The following FBXO31 variants were observed in gnomAD, a reference collection of about 807,000 sequenced individuals.
FBXO31 encodes F-box only protein 31.
In FBXO31, 24 loss-of-function variants were observed where a neutral mutation model predicts 54.4. The observed-to-expected ratio is 0.44, with a 90% CI of 0.32 to 0.62. The LOEUF (loss-of-function observed/expected upper bound fraction) is 0.62, where lower values mean the gene tolerates loss of function less well. Ranked by LOEUF, FBXO31 falls within the 20% of genes least tolerant of loss-of-function variation. The pLI, the probability that FBXO31 is intolerant of heterozygous loss-of-function variation, is 0.05. For synonymous variants in FBXO31, 388 were observed against 335.6 expected, an observed-to-expected ratio of 1.16 and a Z score of -1.71; for missense variants, 665 against 787.1, an observed-to-expected ratio of 0.84 and a Z score of 1.86.
chr16:87,367,564 G>A (rs1032987649), intron 1 of FBXO31: 2 of 152,162 alleles, frequency 1.3e-5, no homozygotes, highest in African/African-American at 2.4e-5. Flanking sequence ...CTTCAAAATC[G>A]TTAGTTACTG....
At chr16:87,347,701 A>C (rs1291147447) in intron 2 of FBXO31, among the ~76,000 whole-genome samples, 7 of 149,828 alleles carry the variant, frequency 4.7e-5, no homozygotes, top group Non-Finnish European at 7.4e-5. Context: ...AAAAAAAAAA[A>C]CTATCAGAAT....
Position 87,336,567 on chromosome 16 carries a change from A to G in FBXO31, c.733-303T>C, listed in dbSNP as rs1905051675. Among the ~76,000 whole-genome samples the G allele has an allele frequency of 6.6e-6, 1 of 151,972 alleles. No individual in the cohort carries two copies. Among genetic ancestry groups the G allele is most frequent in the Admixed American group, 6.6e-5 (1 of 15,264 alleles). ...GGCGGGGGCCACAGCCATGACCAGAACTCAGGGTGGGCCTCCCTTCCATGC... is the reference window on the plus strand; with the variant it reads ...GGCGGGGGCCACAGCCATGACCAGAGCTCAGGGTGGGCCTCCCTTCCATGC... On this transcript the variant is annotated intron_variant, in intron 5 of 8. Transcript: ENST00000311635. The surrounding 1 kb of genome is among the most constrained non-coding windows in gnomAD (Gnocchi z 6.5).
chr16:87,360,308 G>A lies in FBXO31; in HGVS notation c.399C>T (p.Asp133=), dbSNP rs370916343. The A allele has an allele frequency of 3.5e-5, 56 of 1,614,000 alleles. No homozygotes were observed. The highest frequency in any genetic ancestry group is 3.8e-5 in the Non-Finnish European group (45 of 1,179,974). The change falls in exon 2 of 9, where the codon GAC becomes GAT. Residue 133 remains aspartate (D), a synonymous_variant. Coordinates refer to ENST00000311635, the MANE Select transcript of FBXO31 (RefSeq NM_024735.5). ...AGATTCACTCACGCTTCGCATAGAC[G>A]TCCCGACAAGACACGCCTGTGATCT... ...KLEITGVSCR[D]VYAKLLHRYR... is the part of the protein sequence containing the mutation.
rs959268219 is a variant in FBXO31, at chr16:87,336,412, G to T, written c.733-148C>A. ...CTCTTGGTGGGGGAGGATGGACTTG[G>T]CGCTGGGAAGAGAAAGGGGAGCTGC... On this transcript the variant is annotated intron_variant, in intron 5 of 8. Coordinates refer to ENST00000311635, the MANE Select transcript of FBXO31 (RefSeq NM_024735.5). This position sits in a 1 kb window ranked among gnomAD's most constrained non-coding sequence, Gnocchi z 6.5. 1.9e-5 allele frequency: 13 copies of T among 670,844 alleles called. No individual in the cohort carries two copies. The highest frequency in any genetic ancestry group is 1.1e-4 in the African/African-American group (6 of 55,300). The allele number at this position is 670,844 out of a possible 1,614,324, so 41.6% of individuals were successfully genotyped here. A position where few individuals can be genotyped will look rare whatever the true frequency, so the allele number is the denominator to read the frequency against.
chr16:87,340,763 C>T (rs1905169246), intron 5 of FBXO31, among the ~76,000 whole-genome samples: 1 of 152,056 alleles, frequency 6.6e-6, no homozygotes, highest in Admixed American at 6.5e-5. Context: ...TTGAGACCTG[C>T]CTGGGCAACA....
At position 87,335,617 on chromosome 16, in the gene FBXO31, A is replaced by G. The variant is rs1340789854; in HGVS notation, c.843-160T>C. Among the ~76,000 whole-genome samples, 3 of 152,196 alleles carry G rather than the reference A, an allele frequency of 2.0e-5. No homozygotes were observed. Among genetic ancestry groups the G allele is most frequent in the African/African-American group, 7.2e-5 (3 of 41,444 alleles). Reference sequence around the variant, plus strand: ...CAGGCCTGTGGGCAGCAATGCGCCCAGGGGAGCCCTCACCCCCACCACCCA... The same window carrying G: ...CAGGCCTGTGGGCAGCAATGCGCCCGGGGGAGCCCTCACCCCCACCACCCA... On this transcript the variant is annotated intron_variant, in intron 6 of 8. Coordinates refer to ENST00000311635, the MANE Select transcript of FBXO31 (RefSeq NM_024735.5). The surrounding 1 kb of genome is among the most constrained non-coding windows in gnomAD (Gnocchi z 5.7).
chr16:87,343,529 C>G, intron 4 of FBXO31, 69 bp downstream of exon 4: 1 of 1,525,342 alleles, frequency 6.6e-7, no homozygotes, highest in East Asian at 2.4e-5. Flanking sequence ...AATAGCACGG[C>G]AGGCCTGGCT....
chr16:87,381,035 C>T (rs912220485), intron 1 of FBXO31, among the ~76,000 whole-genome samples: 1 of 152,218 alleles, frequency 6.6e-6, no homozygotes, highest in Non-Finnish European at 1.5e-5. Context: ...AATGGAGAAA[C>T]TTCAAAGCAC....
chr16:87,348,352 C>T (rs1905486240), intron 2 of FBXO31, among the ~76,000 whole-genome samples: 1 of 152,236 alleles, frequency 6.6e-6, no homozygotes, highest in African/African-American at 2.4e-5. Context: ...ATGAAGTCTG[C>T]CTCGACTTCA....
chr16:87,345,317 G>A lies in FBXO31; in HGVS notation c.490-1552C>T, dbSNP rs148669031. ...AAGTTCAAGAGGCTCCAGCAGGAGG[G>A]TGCGGGGAGGGCGGGAGGCAGGGTG... On this transcript the variant is annotated intron_variant, in intron 3 of 8. Transcript: ENST00000311635. This position sits in a 1 kb window ranked among gnomAD's most constrained non-coding sequence, Gnocchi z 4.9. 2.7e-5 allele frequency among the ~76,000 whole-genome samples: 4 copies of A among 150,910 alleles called. No homozygotes were observed. The highest frequency in any genetic ancestry group is 5.9e-5 in the Non-Finnish European group (4 of 67,688).
chr16:87,389,405 TC>T (rs1468711017), intron 1 of FBXO31: 1 of 152,228 alleles, frequency 6.6e-6, no homozygotes, highest in Non-Finnish European at 1.5e-5. Flanking sequence ...CGATGCTACT[TC>T]CTCTGGCAAT....
intron 1 of FBXO31, among the ~76,000 whole-genome samples, chr16:87,372,281 T>A (rs1906635918): frequency 6.6e-6 from 1 of 152,184 alleles, no homozygotes. Context: ...CTAAGTGAAA[T>A]GACTACGTTT....
rs1413938027 is a variant in FBXO31 at position 87,327,992 on chromosome 16, C to G, written c.*3296G>C. Reference sequence around the variant, plus strand: ...GCATCTCCTGTTCGCACCCAAGACCCCACGGCCATGAGGACAACACGAGCT... The same window carrying G: ...GCATCTCCTGTTCGCACCCAAGACCGCACGGCCATGAGGACAACACGAGCT... On this transcript the variant is annotated 3_prime_UTR_variant, in exon 9 of 9. Coordinates refer to ENST00000311635, the MANE Select transcript of FBXO31 (RefSeq NM_024735.5). 6.6e-6 allele frequency: 1 copy of G among 152,282 alleles called. No homozygotes were observed. Among genetic ancestry groups the G allele is most frequent in the Non-Finnish European group, 1.5e-5 (1 of 68,102 alleles). The allele number at this position is 152,282 out of a possible 1,614,324, so 9.4% of individuals were successfully genotyped here.
Position 87,330,706 on chromosome 16 carries a change from T to G in FBXO31, c.*582A>C, listed in dbSNP as rs750291144. ...AACTCCAAGCAAGCCGGTAGAGAAA[T>G]GGGGATTCACTCCAGAGTCCCGGCC... On this transcript the variant is annotated 3_prime_UTR_variant, in exon 9 of 9. Coordinates refer to ENST00000311635, the MANE Select transcript of FBXO31 (RefSeq NM_024735.5). 1 of 152,596 alleles carries G rather than the reference T, an allele frequency of 6.6e-6. No individual in the cohort carries two copies. Among genetic ancestry groups the G allele is most frequent in the African/African-American group, 2.4e-5 (1 of 41,378 alleles). 9.5% of individuals were successfully genotyped at this position (152,596 alleles called of 1,614,324 possible). A position where few individuals can be genotyped will look rare whatever the true frequency, so the allele number is the denominator to read the frequency against.
In FBXO31 at chr16:87,342,566, C is replaced by T. The variant is rs146500298; in HGVS notation, c.732+311G>A. On this transcript the variant is annotated intron_variant, in intron 5 of 8. Transcript: ENST00000311635. ...CTCCCTGCAGCTCACATCCTAGAAG[C>T]AGCCTCCCAGCAACCCCTCAGCAAG... is the stretch of plus-strand genomic sequence containing the variant. Among the ~76,000 whole-genome samples the T allele has an allele frequency of 4.5e-3, 682 of 152,332 alleles. 6 individuals carry two copies. Among genetic ancestry groups the T allele is most frequent in the African/African-American group, 0.016 (663 of 41,580 alleles).
chr16:87,370,613 G>A (rs1279943899), intron 1 of FBXO31, among the ~76,000 whole-genome samples: 1 of 152,136 alleles, frequency 6.6e-6, no homozygotes, highest in African/African-American at 2.4e-5. Flanking sequence ...GGTGACCCTG[G>A]GCATGCAGGC....
chr16:87,362,550 A>G (rs1256781181), intron 1 of FBXO31: 2 of 151,632 alleles, frequency 1.3e-5, no homozygotes, highest in Non-Finnish European at 2.9e-5. Flanking sequence ...ACATACATAC[A>G]TACATTTATT....
At chr16:87,380,535 C>G (rs530603228) in intron 1 of FBXO31, among the ~76,000 whole-genome samples, 1 of 152,062 alleles carries the variant, frequency 6.6e-6, no homozygotes, top group Admixed American at 6.5e-5. Flanking sequence ...TCCACAGGCA[C>G]GCACCACCAT....
At chr16:87,355,183 C>A (rs1310684591) in intron 2 of FBXO31, among the ~76,000 whole-genome samples, 2 of 152,114 alleles carry the variant, frequency 1.3e-5, no homozygotes, top group South Asian at 2.1e-4. Context: ...TAAAGCAAGA[C>A]CCCCATCTCT....
Sources: allele counts gnomAD v4.1 joint callset (sites outside exome capture counted in the v4.1 genomes callset), GRCh38; gene constraint gnomAD v4.1.1; non-coding constraint Gnocchi (gnomAD v3.1); transcripts MANE v1.5; gene names NCBI Gene and HGNC (gene_info 2026-07-23, HGNC 2026-07-21).